HACE1: variants seen among roughly 807,000 people sequenced by gnomAD.
The protein encoded by HACE1 is E3 ubiquitin-protein ligase HACE1.
Under a neutral mutation model 118.4 loss-of-function variants are expected in HACE1, and 73 were observed. That is an observed-to-expected ratio of 0.62 (90% CI 0.51 to 0.75). HACE1 has a LOEUF of 0.75. Ranked by LOEUF, HACE1 falls within the 30% of genes least tolerant of loss-of-function variation. The pLI is 0.00. For missense variants in HACE1, 749 were observed against 1,102.2 expected (o/e 0.68, Z 4.54); for synonymous variants, 368 against 374.8 (o/e 0.98, Z 0.21).
chr6:104,837,722 G>C (rs1774686330), intron 5 of HACE1, among the ~76,000 whole-genome samples: 1 of 152,088 alleles, frequency 6.6e-6, no homozygotes, highest in Admixed American at 6.5e-5. Context: ...CCTAGCTAGA[G>C]CAATCAGGCA....
At chr6:104,766,096 C>CAAAAG (rs1040310290) in intron 19 of HACE1, among the ~76,000 whole-genome samples, 4 of 152,214 alleles carry the variant, frequency 2.6e-5, no homozygotes, top group East Asian at 1.9e-4. Flanking sequence ...AGAAAATAAG[C>CAAAAG]AAAAGAAAAG....
intron 7 of HACE1, among the ~76,000 whole-genome samples, chr6:104,799,000 A>G (rs1332075084): frequency 6.6e-6 from 1 of 152,216 alleles, no homozygotes; most frequent in Non-Finnish European, 1.5e-5. Flanking sequence ...AATACATTCA[A>G]TGAATTGTAT....
chr6:104,788,946 T>C (rs1782710149), intron 11 of HACE1, among the ~76,000 whole-genome samples: 2 of 152,134 alleles, frequency 1.3e-5, no homozygotes, highest in South Asian at 4.1e-4. Flanking sequence ...GAAAACCCAT[T>C]AGTTAATTTG....
chr6:104,756,411 CAA>C lies in HACE1; in HGVS notation c.2212-5941_2212-5940del, dbSNP rs149270056. On this transcript the variant is annotated intron_variant, in intron 19 of 23. Transcript: ENST00000262903. ...TGAGTGACAGAGCCAGATTCCATCT[CAA>C]AAAAAAAAAAAAAATATATATATAT... 8.4e-3 allele frequency among the ~76,000 whole-genome samples: 868 copies of C among 103,390 alleles called. 6 individuals are homozygous for C. Among genetic ancestry groups the C allele is most frequent in the African/African-American group, 0.011 (297 of 26,906 alleles). 67.8% of individuals were successfully genotyped at this position (103,390 alleles called of 152,430 possible). A position where few individuals can be genotyped will look rare whatever the true frequency, so the allele number is the denominator to read the frequency against.
intron 17 of HACE1, among the ~76,000 whole-genome samples, chr6:104,774,184 G>A (rs112142064): frequency 1.8e-5 from 2 of 113,282 alleles, no homozygotes; most frequent in Admixed American, 8.9e-5. Context: ...CCGCCTCCCG[G>A]GTTCACGCCA....
At chr6:104,834,599 TA>T (rs1425181677) in intron 5 of HACE1, among the ~76,000 whole-genome samples, 14 of 152,014 alleles carry the variant, frequency 9.2e-5, no homozygotes, top group African/African-American at 3.4e-4. Context: ...GAAATGAGAG[TA>T]AAGAGTATTT....
intron 4 of HACE1, among the ~76,000 whole-genome samples, chr6:104,847,755 T>TA (rs369881070): frequency 6.6e-5 from 10 of 151,422 alleles, no homozygotes; most frequent in East Asian, 1.9e-4. Context: ...CAAGAGTAAT[T>TA]AAAAAAAAAG....
chr6:104,854,610 A>T (rs1028356618), intron 1 of HACE1, among the ~76,000 whole-genome samples: 1 of 152,226 alleles, frequency 6.6e-6, no homozygotes, highest in Non-Finnish European at 1.5e-5. Context: ...ATTCAAAAAA[A>T]AAAACTGTAA....
intron 5 of HACE1, among the ~76,000 whole-genome samples, chr6:104,836,143 A>G (rs994668655): frequency 1.4e-4 from 21 of 152,286 alleles, no homozygotes; most frequent in African/African-American, 5.1e-4. Flanking sequence ...AAGCAAGAAA[A>G]AAGCAAAAGG....
chr6:104,730,279 T>C (rs1775060601), intron 23 of HACE1, 24 bp downstream of exon 23: 3 of 1,063,334 alleles, frequency 2.8e-6, no homozygotes, highest in Non-Finnish European at 4.4e-6. Context: ...TTGTAAAGCA[T>C]TTAAATAAAC....
At chr6:104,796,098 T>C (rs1226141086) in intron 9 of HACE1, among the ~76,000 whole-genome samples, 1 of 152,018 alleles carries the variant, frequency 6.6e-6, no homozygotes, top group African/African-American at 2.4e-5. Context: ...ATATTATTAT[T>C]TTATTTTTAT....
intron 1 of HACE1, chr6:104,858,434 C>A: frequency 2.9e-6 from 1 of 344,028 alleles, no homozygotes; most frequent in South Asian, 2.1e-5. Flanking sequence ...GGCGCGGTGG[C>A]TCACATCTGT....
intron 6 of HACE1, among the ~76,000 whole-genome samples, chr6:104,825,440 T>C (rs1444477320): frequency 6.6e-6 from 1 of 152,190 alleles, no homozygotes; most frequent in Non-Finnish European, 1.5e-5. Context: ...CAACCTCTGA[T>C]TGGCTGCACA....
At chr6:104,858,579 C>T (rs1776983569) in intron 1 of HACE1, 3 of 299,652 alleles carry the variant, frequency 1.0e-5, no homozygotes, top group Non-Finnish European at 2.0e-5. Context: ...CCCAATCCCA[C>T]ATTTCTTTCA....
chr6:104,782,188 G>C (rs1781811856), intron 14 of HACE1, among the ~76,000 whole-genome samples: 1 of 152,124 alleles, frequency 6.6e-6, no homozygotes, highest in African/African-American at 2.4e-5. Flanking sequence ...ATACAGTGTA[G>C]GTTAAGAAAT....
chr6:104,828,943 G>A (rs1014817933), intron 6 of HACE1, among the ~76,000 whole-genome samples: 2 of 151,988 alleles, frequency 1.3e-5, no homozygotes, highest in African/African-American at 2.4e-5. Flanking sequence ...GCACTCCTCA[G>A]ATTTACTCTA....
In HACE1 at chr6:104,833,042, C is replaced by T. The variant is rs140022767; in HGVS notation, c.534G>A (p.Thr178=). The change falls in exon 6 of 24, where the codon ACG becomes ACA. Residue 178 remains threonine, a splice_region_variant and synonymous_variant. Coordinates refer to ENST00000262903, the MANE Select transcript of HACE1 (RefSeq NM_020771.4). ...LHVACQNGHK[T]TVQCLLDSGA... ...TTAAAGTCCTCATGGCTCAACTTACCGTCTTGTGACCGTTCTGGCAGGCAA... is the reference window on the plus strand; with the variant it reads ...TTAAAGTCCTCATGGCTCAACTTACTGTCTTGTGACCGTTCTGGCAGGCAA... 1.3e-5 allele frequency: 21 copies of T among 1,612,974 alleles called. No homozygotes were observed. In the East Asian group the frequency reaches 1.6e-4, roughly 12 times the overall value.
chr6:104,844,038 T>G (rs1000684273), intron 4 of HACE1, among the ~76,000 whole-genome samples: 6 of 151,238 alleles, frequency 4.0e-5, no homozygotes, highest in Non-Finnish European at 5.9e-5. Context: ...GTATGGGTTT[T>G]TTTTTTTTTT....
intron 22 of HACE1, among the ~76,000 whole-genome samples, chr6:104,736,765 T>G (rs9404576): frequency 0.44 from 67,577 of 151,970 alleles, 17,251 homozygotes; most frequent in African/African-American, 0.72. Flanking sequence ...GAGAAGTACC[T>G]TGCCCAGCCT....
Sources: allele counts gnomAD v4.1 joint callset (sites outside exome capture counted in the v4.1 genomes callset), GRCh38; gene constraint gnomAD v4.1.1; transcripts MANE v1.5; gene names NCBI Gene and HGNC (gene_info 2026-07-23, HGNC 2026-07-21).